The following KLHL23 variants were observed in gnomAD, a reference collection of about 807,000 sequenced individuals.
KLHL23 encodes kelch-like protein 23.
KLHL23 carries 33 observed loss-of-function variants against 48.9 expected under a neutral mutation model. That is an observed-to-expected ratio of 0.67 (90% CI 0.51 to 0.90). The LOEUF is 0.90. Ranked by LOEUF, KLHL23 falls within the 40% of genes least tolerant of loss-of-function variation. KLHL23 has a pLI of 0.00. For missense variants in KLHL23, 608 were observed against 669.6 expected (o/e 0.91, Z 1.02); for synonymous variants, 234 against 231.6 (o/e 1.01, Z -0.09).
intron 3 of KLHL23, among the ~76,000 whole-genome samples, chr2:169,747,407 A>AAAAAT (rs1688820693): frequency 6.6e-6 from 1 of 150,392 alleles, no homozygotes; most frequent in South Asian, 2.1e-4. Flanking sequence ...AAAAAAAAAA[A>AAAAAT]ACTGAGGGAG....
Position 169,741,483 on chromosome 2 carries a change from A to G in KLHL23, c.1312A>G (p.Ser438Gly). The part of the protein sequence containing the change: ...RGSCTYDKVQ[S>G]YNSDINEWSL... The stretch of plus-strand genomic sequence containing the variant: ...AAGCTGCACCTATGACAAAGTTCAG[A>G]GCTACAATTCCGATATCAACGAATG... The change falls in exon 3 of 4, where the codon AGC becomes GGC. Residue 438 changes from serine (S) to glycine (G), a missense_variant. Transcript: ENST00000392647. The G allele has an allele frequency of 1.2e-6, 2 of 1,614,014 alleles. No homozygotes were observed. The highest frequency in any genetic ancestry group is 1.7e-6 in the Non-Finnish European group (2 of 1,179,938).
At chr2:169,746,897 A>G (rs1019085197) in intron 3 of KLHL23, among the ~76,000 whole-genome samples, 5 of 152,234 alleles carry the variant, frequency 3.3e-5, no homozygotes, top group African/African-American at 7.2e-5. Flanking sequence ...AATGATTCAT[A>G]TAATTGATAT....
intron 3 of KLHL23, among the ~76,000 whole-genome samples, chr2:169,747,126 G>A (rs1183651428): frequency 1.3e-5 from 2 of 152,100 alleles, no homozygotes; most frequent in East Asian, 3.9e-4. Flanking sequence ...GCTCACGCCT[G>A]TAATCTCAGT....
In KLHL23 at chr2:169,748,771, GCCCCCC is replaced by G. The variant is rs397937181; in HGVS notation, c.1367-641_1367-636del. Reference sequence around the variant, plus strand: ...ATTAAAACAGCCTAGGAGGAGGACCGCCCCCCCCCCCCCCCATATACATACTTCCAG... The same window carrying G: ...ATTAAAACAGCCTAGGAGGAGGACCGCCCCCCCCCATATACATACTTCCAG... On this transcript the variant is annotated intron_variant, in intron 3 of 3. Coordinates refer to ENST00000392647, the MANE Select transcript of KLHL23 (RefSeq NM_144711.6). Among the ~76,000 whole-genome samples the G allele has an allele frequency of 3.5e-3, 389 of 110,360 alleles. 29 individuals are homozygous for G. The highest frequency in any genetic ancestry group is 9.2e-3 in the Middle Eastern group (2 of 218). 72.4% of individuals were successfully genotyped at this position (110,360 alleles called of 152,430 possible).
chr2:169,748,706 C>T lies in KLHL23; in HGVS notation c.1367-716C>T, dbSNP rs577587354. 1.4e-3 allele frequency among the ~76,000 whole-genome samples: 206 copies of T among 150,572 alleles called. 2 individuals are homozygous for T. The highest frequency in any genetic ancestry group is 4.8e-3 in the African/African-American group (199 of 41,206). On this transcript the variant is annotated intron_variant, in intron 3 of 3. Transcript: ENST00000392647. The stretch of plus-strand genomic sequence containing the variant: ...GAGATATGCTGGTGCTTTGAAGATC[C>T]AGCAGGTTTGGGTGTAGAGGGGGAG...
At position 169,749,794 on chromosome 2, in the gene KLHL23, T is replaced by C. The variant is rs1574531582; in HGVS notation, c.*62T>C. 2.0e-6 allele frequency: 3 copies of C among 1,519,886 alleles called. No individual in the cohort carries two copies. Among genetic ancestry groups the C allele is most frequent in the South Asian group, 1.3e-5 (1 of 75,624 alleles). The allele number at this position is 1,519,886 out of a possible 1,614,324, so 94.1% of individuals were successfully genotyped here. Reference sequence around the variant, plus strand: ...GGAGTATAGTTTTATAAAAAAAGAATGCAGGGTTTGAAGTTCCTTACCTGA... The same window carrying C: ...GGAGTATAGTTTTATAAAAAAAGAACGCAGGGTTTGAAGTTCCTTACCTGA... On this transcript the variant is annotated 3_prime_UTR_variant, in exon 4 of 4. Transcript: ENST00000392647.
Position 169,749,862 on chromosome 2 carries a change from T to C in KLHL23, c.*130T>C, listed in dbSNP as rs1434125756. ...TGATAGGGGATCAGTAAATTGTAAT[T>C]CCTAACCCTACTGTACTCCCAAACA... On this transcript the variant is annotated 3_prime_UTR_variant, in exon 4 of 4. Coordinates refer to ENST00000392647, the MANE Select transcript of KLHL23 (RefSeq NM_144711.6). 3.9e-5 allele frequency: 43 copies of C among 1,106,332 alleles called. No individual in the cohort carries two copies. Among genetic ancestry groups the C allele is most frequent in the Non-Finnish European group, 1.1e-5 (9 of 801,426 alleles). The allele number at this position is 1,106,332 out of a possible 1,614,324, so 68.5% of individuals were successfully genotyped here.
intron 3 of KLHL23, among the ~76,000 whole-genome samples, chr2:169,744,880 C>T (rs971926101): frequency 6.6e-6 from 1 of 151,414 alleles, no homozygotes; most frequent in Non-Finnish European, 1.5e-5. Context: ...TTTTAAAATG[C>T]AGAATCATAA....
In KLHL23 at chr2:169,735,056, G is replaced by A. The variant is rs765032979; in HGVS notation, c.42G>A (p.Lys14=). Residue 14 remains lysine, a synonymous_variant, in exon 2 of 4, where the codon AAG becomes AAA. Coordinates refer to ENST00000392647, the MANE Select transcript of KLHL23 (RefSeq NM_144711.6). The surrounding 1 kb of genome is among the most constrained non-coding windows in gnomAD (Gnocchi z 4.5). ...KGQEDYIYLF[K]DSTHPVDFLD... ...AAGAAGATTATATTTATCTTTTCAA[G>A]GATTCAACACATCCAGTGGATTTTC... 11 of 1,582,172 alleles carry A rather than the reference G, an allele frequency of 7.0e-6. No homozygotes were observed. In the Admixed American group the frequency reaches 2.0e-4, roughly 28 times the overall value.
chr2:169,735,203 G>A lies in KLHL23; in HGVS notation c.189G>A (p.Lys63=). Residue 63 remains lysine, a synonymous_variant, in exon 2 of 4, where the codon AAG becomes AAA. Coordinates refer to ENST00000392647, the MANE Select transcript of KLHL23 (RefSeq NM_144711.6). The surrounding 1 kb of genome is among the most constrained non-coding windows in gnomAD (Gnocchi z 4.5). ...TAGCTGCTTGCAGCAATTATTTTAA[G>A]GCAATGTTCACAGCTGACATGAAAG... is the stretch of plus-strand genomic sequence containing the variant. The part of the protein sequence containing the change: ...AVLAACSNYF[K]AMFTADMKEK... 2 of 1,608,412 alleles carry A rather than the reference G, an allele frequency of 1.2e-6. No homozygotes were observed. The highest frequency in any genetic ancestry group is 2.2e-5 in the South Asian group (2 of 89,066).
At position 169,736,104 on chromosome 2, in the gene KLHL23, G is replaced by T. The variant is rs963603887; in HGVS notation, c.1090G>T (p.Ala364Ser). 3 of 1,614,176 alleles carry T rather than the reference G, an allele frequency of 1.9e-6. No homozygotes were observed. Among genetic ancestry groups the T allele is most frequent in the Non-Finnish European group, 2.5e-6 (3 of 1,180,042 alleles). The change falls in exon 2 of 4, where the codon GCA becomes TCA. Residue 364 changes from alanine (A) to serine (S), a missense_variant. This residue lies in a region of KLHL23 where 419 missense variants were observed against 473.1 expected (regional missense o/e 0.89). Transcript: ENST00000392647. ...PMLNARYYHC[A>S]VTLGGCVYAL... Reference sequence around the variant, plus strand: ...GCTCAATGCCAGGTATTACCACTGTGCAGTCACCTTGGGTGGCTGTGTCTA... The same window carrying T: ...GCTCAATGCCAGGTATTACCACTGTTCAGTCACCTTGGGTGGCTGTGTCTA...
rs55779546 is a variant in KLHL23, at chr2:169,740,766, T to TTATATA, written c.1214-598_1214-593dup. Among the ~76,000 whole-genome samples, 693 of 125,472 alleles carry TTATATA rather than the reference T, an allele frequency of 5.5e-3. 15 individuals are homozygous for TTATATA. The highest frequency in any genetic ancestry group is 0.016 in the African/African-American group (519 of 32,998). The allele number at this position is 125,472 out of a possible 152,430, so 82.3% of individuals were successfully genotyped here. A position where few individuals can be genotyped will look rare whatever the true frequency, so the allele number is the denominator to read the frequency against. On this transcript the variant is annotated intron_variant, in intron 2 of 3. Coordinates refer to ENST00000392647, the MANE Select transcript of KLHL23 (RefSeq NM_144711.6). Reference sequence around the variant, plus strand: ...CCCGGCCTCTATAAGCTTTTTTATATTATATATATATATATATATATATAT... The same window carrying TTATATA: ...CCCGGCCTCTATAAGCTTTTTTATATTATATATATATATATATATATATATATATAT...
In KLHL23 at chr2:169,751,456, A is replaced by C. The variant is rs959291401; in HGVS notation, c.*1724A>C. 4 of 152,240 alleles carry C rather than the reference A, an allele frequency of 2.6e-5. No homozygotes were observed. Among genetic ancestry groups the C allele is most frequent in the African/African-American group, 9.6e-5 (4 of 41,466 alleles). 9.4% of individuals were successfully genotyped at this position (152,240 alleles called of 1,614,324 possible). On this transcript the variant is annotated 3_prime_UTR_variant, in exon 4 of 4. Transcript: ENST00000392647. ...TGGTACTACATAGCAAGGGCTGTAA[A>C]AATGACCATATCCTTTGCCCCATAA...
intron 2 of KLHL23, among the ~76,000 whole-genome samples, chr2:169,738,114 A>G (rs1463151687): frequency 6.6e-6 from 1 of 152,158 alleles, no homozygotes; most frequent in Non-Finnish European, 1.5e-5. Flanking sequence ...CTGAAATTCC[A>G]GTTTTATACT....
chr2:169,740,706 C>G (rs972995047), intron 2 of KLHL23, among the ~76,000 whole-genome samples: 10 of 148,330 alleles, frequency 6.7e-5, no homozygotes, highest in Non-Finnish European at 1.3e-4. Context: ...CCTTGACCTC[C>G]CAAAGTGCTG....
At chr2:169,741,308 C>T (rs1688671524) in intron 2 of KLHL23, 77 bp from the exon 3 acceptor site, 1 of 1,520,334 alleles carries the variant, frequency 6.6e-7, no homozygotes, top group Non-Finnish European at 8.8e-7. Context: ...ACAAAAACAA[C>T]AATAAATTTA....
At chr2:169,740,766 T>TTTTA (rs1553477016) in intron 2 of KLHL23, among the ~76,000 whole-genome samples, 10,024 of 125,382 alleles carry the variant, frequency 0.08, 588 homozygotes, top group Middle Eastern at 0.12. Flanking sequence ...CTTTTTTATA[T>TTTTA]TATATATATA....
chr2:169,735,296 T>C lies in KLHL23; in HGVS notation c.282T>C (p.Tyr94=), dbSNP rs148750414. The change falls in exon 2 of 4, where the codon TAT becomes TAC. Residue 94 remains tyrosine, a synonymous_variant. Coordinates refer to ENST00000392647, the MANE Select transcript of KLHL23 (RefSeq NM_144711.6). The surrounding 1 kb of genome is among the most constrained non-coding windows in gnomAD (Gnocchi z 4.5). ...HHDILEGLVN[Y]AYTSQIEITK... ...ATATTCTGGAAGGCCTTGTAAATTA[T>C]GCATACACTTCCCAAATTGAAATAA... is the stretch of plus-strand genomic sequence containing the variant. The C allele has an allele frequency of 9.4e-4, 1,516 of 1,613,466 alleles. 12 individuals carry two copies. The African/African-American group carries it at 0.018, about 19-fold the overall frequency.
At position 169,746,859 on chromosome 2, in the gene KLHL23, C is replaced by G. The variant is rs539044361; in HGVS notation, c.1367-2563C>G. On this transcript the variant is annotated intron_variant, in intron 3 of 3. Coordinates refer to ENST00000392647, the MANE Select transcript of KLHL23 (RefSeq NM_144711.6). Reference sequence around the variant, plus strand: ...TTTACCAACTGATAAAATATTTGAACTATCATTTTCACAATAACCATTAGT... The same window carrying G: ...TTTACCAACTGATAAAATATTTGAAGTATCATTTTCACAATAACCATTAGT... Among the ~76,000 whole-genome samples, 368 of 152,228 alleles carry G rather than the reference C, an allele frequency of 2.4e-3. 2 individuals are homozygous for G. The highest frequency in any genetic ancestry group is 0.011 in the South Asian group (55 of 4,828).
Sources: gnomAD v4.1 joint callset for allele counts (sites outside exome capture counted in the v4.1 genomes callset) on GRCh38, gnomAD v4.1.1 for gene constraint, gnomAD v4.1.1 regional missense constraint, Gnocchi (gnomAD v3.1) non-coding constraint, MANE v1.5 for transcripts, NCBI Gene and HGNC (gene_info 2026-07-23, HGNC 2026-07-21) for gene names.